Variants in LRP11 observed in about 807,000 individuals in gnomAD.
LRP11 encodes low-density lipoprotein receptor-related protein 11.
LRP11 carries 25 observed loss-of-function variants against 43.1 expected under a neutral mutation model. That is an observed-to-expected ratio of 0.58 (90% CI 0.42 to 0.81). LRP11 has a LOEUF of 0.81. Ranked by LOEUF, LRP11 falls within the 30% of genes least tolerant of loss-of-function variation. LRP11 has a pLI of 0.00. For synonymous variants in LRP11, 316 were observed against 299.4 expected, an observed-to-expected ratio of 1.06 and a Z score of -0.57; for missense variants, 623 against 665.1, an observed-to-expected ratio of 0.94 and a Z score of 0.70.
chr6:149,839,769 C>A (rs1776520970), intron 3 of LRP11, among the ~76,000 whole-genome samples: 1 of 152,232 alleles, frequency 6.6e-6, no homozygotes, highest in Non-Finnish European at 1.5e-5. Flanking sequence ...ACTCTCATGT[C>A]TCAGCCTCCT....
chr6:149,859,090 T>A (rs1254412918), intron 1 of LRP11, among the ~76,000 whole-genome samples: 2 of 151,910 alleles, frequency 1.3e-5, no homozygotes, highest in African/African-American at 4.8e-5. Flanking sequence ...TCCAGAAGTA[T>A]GAAATGAATA....
intron 5 of LRP11, among the ~76,000 whole-genome samples, chr6:149,833,265 G>T (rs1302465876): frequency 1.3e-5 from 2 of 152,174 alleles, no homozygotes; most frequent in Admixed American, 6.5e-5. Context: ...CTACTTATGG[G>T]TCTTTAACTT....
chr6:149,835,397 C>A (rs2115382972), intron 5 of LRP11, among the ~76,000 whole-genome samples: 1 of 152,278 alleles, frequency 6.6e-6, no homozygotes, highest in Non-Finnish European at 1.5e-5. Context: ...CCCAAGAGTT[C>A]AAGACCAGCC....
At chr6:149,839,003 G>A (rs1776509770) in intron 3 of LRP11, among the ~76,000 whole-genome samples, 1 of 151,798 alleles carries the variant, frequency 6.6e-6, no homozygotes, top group African/African-American at 2.4e-5. Context: ...AAAACCAAAT[G>A]GCTGAGCACA....
intron 2 of LRP11, among the ~76,000 whole-genome samples, chr6:149,846,586 C>A (rs561401454): frequency 6.6e-6 from 1 of 152,226 alleles, no homozygotes; most frequent in East Asian, 1.9e-4. Context: ...GATGCTGAGT[C>A]ATGACCAGAT....
At chr6:149,844,647 G>A (rs987854203) in intron 2 of LRP11, among the ~76,000 whole-genome samples, 1 of 152,180 alleles carries the variant, frequency 6.6e-6, no homozygotes, top group African/African-American at 2.4e-5. Flanking sequence ...TCTGGATATT[G>A]TCCTCTGCAG....
intron 1 of LRP11, among the ~76,000 whole-genome samples, chr6:149,854,635 C>T (rs1776772044): frequency 6.6e-6 from 1 of 152,216 alleles, no homozygotes; most frequent in African/African-American, 2.4e-5. Flanking sequence ...ACTGGAAAAA[C>T]TCTACAGGTT....
chr6:149,839,658 T>C (rs995789779), intron 3 of LRP11, among the ~76,000 whole-genome samples: 5 of 152,240 alleles, frequency 3.3e-5, no homozygotes, highest in Non-Finnish European at 5.9e-5. Flanking sequence ...AGTTTATTTA[T>C]TTATCTATTT....
At chr6:149,841,134 G>T (rs976953319) in intron 3 of LRP11, among the ~76,000 whole-genome samples, 18 of 152,276 alleles carry the variant, frequency 1.2e-4, no homozygotes, top group Admixed American at 1.0e-3. Context: ...AATTATCAAA[G>T]TTGACAAGTC....
intron 2 of LRP11, among the ~76,000 whole-genome samples, chr6:149,847,703 T>G (rs1776658279): frequency 6.6e-6 from 1 of 152,180 alleles, no homozygotes; most frequent in East Asian, 1.9e-4. Context: ...CTTTGGTGGT[T>G]GGCTTCTGGC....
rs142575166 is a variant in LRP11 at position 149,844,121 on chromosome 6, C to T, written c.772-997G>A. 4.0e-3 allele frequency among the ~76,000 whole-genome samples: 607 copies of T among 151,988 alleles called. 11 individuals are homozygous for T. Among genetic ancestry groups the T allele is most frequent in the African/African-American group, 0.014 (572 of 41,458 alleles). Reference sequence around the variant, plus strand: ...TACAAAAATCAGCTGGGCATGGTGGCGTGCGCCTGTAGTCCCAGGTACTCG... The same window carrying T: ...TACAAAAATCAGCTGGGCATGGTGGTGTGCGCCTGTAGTCCCAGGTACTCG... On this transcript the variant is annotated intron_variant, in intron 2 of 6. Coordinates refer to ENST00000239367, the MANE Select transcript of LRP11 (RefSeq NM_032832.6).
intron 3 of LRP11, among the ~76,000 whole-genome samples, chr6:149,840,857 A>G (rs1042451731): frequency 6.6e-6 from 1 of 152,176 alleles, no homozygotes; most frequent in African/African-American, 2.4e-5. Flanking sequence ...TGTTTTGAGT[A>G]GCTGCCCAGC....
chr6:149,862,649 G>A (rs1360035054), intron 1 of LRP11, among the ~76,000 whole-genome samples: 2 of 144,070 alleles, frequency 1.4e-5, no homozygotes, highest in African/African-American at 2.6e-5. Flanking sequence ...GCGCGATCTC[G>A]GCTCACTGCA....
intron 5 of LRP11, among the ~76,000 whole-genome samples, chr6:149,832,416 C>T (rs1776419687): frequency 6.6e-6 from 1 of 151,662 alleles, no homozygotes; most frequent in Admixed American, 6.6e-5. Context: ...TGGTCTTGAA[C>T]TGACCTCGTG....
chr6:149,844,198 T>A (rs2050316), intron 2 of LRP11, among the ~76,000 whole-genome samples: 5,029 of 148,384 alleles, frequency 0.034, 278 homozygotes, highest in African/African-American at 0.12. Flanking sequence ...GGTTGTAGTG[T>A]GCCAAGATCA....
At chr6:149,844,285 C>G (rs1776596697) in intron 2 of LRP11, among the ~76,000 whole-genome samples, 1 of 152,176 alleles carries the variant, frequency 6.6e-6, no homozygotes, top group African/African-American at 2.4e-5. Context: ...TTAACTGGCC[C>G]TCTTACTGTA....
chr6:149,824,858 T>A (rs1776319377), intron 6 of LRP11, among the ~76,000 whole-genome samples: 2 of 152,036 alleles, frequency 1.3e-5, no homozygotes, highest in Admixed American at 1.3e-4. Flanking sequence ...AGACTCGATG[T>A]CTCAAAAACA....
intron 2 of LRP11, among the ~76,000 whole-genome samples, chr6:149,846,743 G>C (rs1051382516): frequency 1.3e-5 from 2 of 152,054 alleles, no homozygotes; most frequent in Non-Finnish European, 2.9e-5. Flanking sequence ...TTTGAGACCA[G>C]CCTGGCCAAC....
At chr6:149,859,394 A>ATTT (rs1194880373) in intron 1 of LRP11, among the ~76,000 whole-genome samples, 8 of 73,852 alleles carry the variant, frequency 1.1e-4, no homozygotes, top group Admixed American at 6.9e-4. Context: ...ATATATATAT[A>ATTT]TATTTTTTTT....
Sources: gnomAD v4.1 joint callset for allele counts (sites outside exome capture counted in the v4.1 genomes callset) on GRCh38, gnomAD v4.1.1 for gene constraint, MANE v1.5 for transcripts, NCBI Gene and HGNC (gene_info 2026-07-23, HGNC 2026-07-21) for gene names.